ARK2N: variants seen among roughly 807,000 people sequenced by gnomAD.
ARK2N encodes arkadia (RNF111) N-terminal like PKA signaling regulator 2N.
the ARK2N span, among the ~76,000 whole-genome samples, chr18:46,213,823 A>G: frequency 6.6e-6 from 1 of 152,058 alleles, no homozygotes; most frequent in Admixed American, 6.6e-5. Flanking sequence ...CAGCCTCCCG[A>G]GTAGCTGGGA....
At chr18:46,257,714 C>T in the ARK2N span, among the ~76,000 whole-genome samples, 1 of 151,754 alleles carries the variant, frequency 6.6e-6, no homozygotes, top group Non-Finnish European at 1.5e-5. Flanking sequence ...CTACCGACCT[C>T]ATTGGTAATT....
At chr18:46,216,687 A>G in the ARK2N span, 1 of 1,128,000 alleles carries the variant, frequency 8.9e-7, no homozygotes, top group South Asian at 1.6e-5. This position sits in a 1 kb window ranked among gnomAD's most constrained non-coding sequence, Gnocchi z 4.3. Flanking sequence ...GAAAAAATCC[A>G]GGAGACCTGC....
the ARK2N span, among the ~76,000 whole-genome samples, chr18:46,184,511 C>T: frequency 2.0e-5 from 3 of 152,178 alleles, no homozygotes; most frequent in Non-Finnish European, 2.9e-5. Flanking sequence ...GGCTTAAATA[C>T]AGGAGTTTGA....
chr18:46,262,799 G>T, the ARK2N span: 1 of 887,936 alleles, frequency 1.1e-6, no homozygotes, highest in Non-Finnish European at 1.8e-6. Context: ...GATATTGATT[G>T]TGGGTTTTAT....
chr18:46,231,015 T>C, the ARK2N span, among the ~76,000 whole-genome samples: 2 of 152,144 alleles, frequency 1.3e-5, no homozygotes. Flanking sequence ...CGGATTAGAG[T>C]GATCTGGTTA....
At chr18:46,212,463 T>C in the ARK2N span, among the ~76,000 whole-genome samples, 1 of 152,206 alleles carries the variant, frequency 6.6e-6, no homozygotes, top group Non-Finnish European at 1.5e-5. Context: ...CTATAATGTA[T>C]CTTTTTTCAT....
At chr18:46,191,491 A>G in the ARK2N span, among the ~76,000 whole-genome samples, 1 of 152,006 alleles carries the variant, frequency 6.6e-6, no homozygotes, top group Non-Finnish European at 1.5e-5. Context: ...CTGATACATT[A>G]TTAAAGTTCG....
At chr18:46,231,413 A>T in the ARK2N span, among the ~76,000 whole-genome samples, 1 of 152,158 alleles carries the variant, frequency 6.6e-6, no homozygotes, top group Non-Finnish European at 1.5e-5. Context: ...CAGTTGCTAC[A>T]GTGATTTCGA....
the ARK2N span, among the ~76,000 whole-genome samples, chr18:46,204,934 T>A: frequency 2.0e-5 from 3 of 151,554 alleles, no homozygotes; most frequent in East Asian, 1.9e-4. Context: ...TTTTTCTTTT[T>A]TTTTTTATTT....
chr18:46,182,646 T>G, the ARK2N span, among the ~76,000 whole-genome samples: 1 of 151,354 alleles, frequency 6.6e-6, no homozygotes, highest in East Asian at 1.9e-4. Flanking sequence ...ACACTGATGA[T>G]GCTTTTGAGT....
At chr18:46,190,160 T>C in the ARK2N span, among the ~76,000 whole-genome samples, 1 of 152,196 alleles carries the variant, frequency 6.6e-6, no homozygotes, top group African/African-American at 2.4e-5. Context: ...AAAACCTAAA[T>C]AGAATTTTTT....
the ARK2N span, among the ~76,000 whole-genome samples, chr18:46,186,061 G>C: frequency 9.2e-5 from 14 of 151,952 alleles, no homozygotes; most frequent in South Asian, 2.1e-4. Context: ...GGGAGGGGGG[G>C]CATTTTTTTG....
At chr18:46,236,844 G>C in the ARK2N span, among the ~76,000 whole-genome samples, 2 of 148,694 alleles carry the variant, frequency 1.3e-5, no homozygotes, top group Non-Finnish European at 1.5e-5. Context: ...TTTTTTTGTT[G>C]TTGTTGTTGT....
At chr18:46,245,072 G>C in the ARK2N span, among the ~76,000 whole-genome samples, 1 of 151,992 alleles carries the variant, frequency 6.6e-6, no homozygotes, top group Admixed American at 6.6e-5. Flanking sequence ...TGGGATTACA[G>C]GTACCCGTCA....
the ARK2N span, among the ~76,000 whole-genome samples, chr18:46,191,938 C>G: frequency 6.6e-6 from 1 of 152,166 alleles, no homozygotes; most frequent in African/African-American, 2.4e-5. Flanking sequence ...AGATTGGTTT[C>G]TTCACTTTGT....
the ARK2N span, among the ~76,000 whole-genome samples, chr18:46,174,780 G>A: frequency 6.6e-6 from 1 of 152,226 alleles, no homozygotes; most frequent in Admixed American, 6.5e-5. Context: ...GGGGGAAGCA[G>A]TGGCGGCAAC....
At chr18:46,187,837 G>A in the ARK2N span, among the ~76,000 whole-genome samples, 1 of 152,110 alleles carries the variant, frequency 6.6e-6, no homozygotes, top group African/African-American at 2.4e-5. Context: ...TATTTAAACT[G>A]TAAGCCAGCT....
At chr18:46,211,396 T>G in the ARK2N span, among the ~76,000 whole-genome samples, 1 of 152,070 alleles carries the variant, frequency 6.6e-6, no homozygotes, top group Non-Finnish European at 1.5e-5. Flanking sequence ...TTTGTAGAGA[T>G]GGGGTCTTGC....
At chr18:46,216,391 G>T in the ARK2N span, 2 of 1,613,998 alleles carry the variant, frequency 1.2e-6, no homozygotes, top group African/African-American at 1.3e-5. The surrounding 1 kb of genome is among the most constrained non-coding windows in gnomAD (Gnocchi z 4.3). Flanking sequence ...AGTCGCCAAG[G>T]TTAAAGGTCA....
Sources: allele counts gnomAD v4.1 joint callset (sites outside exome capture counted in the v4.1 genomes callset), GRCh38; gene constraint gnomAD v4.1.1; non-coding constraint Gnocchi (gnomAD v3.1); transcripts MANE v1.5; gene names NCBI Gene and HGNC (gene_info 2026-07-23, HGNC 2026-07-21).